Variants in SPTBN4 observed in about 807,000 individuals in gnomAD.
SPTBN4 encodes spectrin beta, non-erythrocytic 4.
A neutral mutation model predicts 277.8 loss-of-function variants in SPTBN4; 96 were observed. The ratio of observed to expected loss-of-function variants is 0.35; its 90% CI spans 0.29 to 0.41. The LOEUF is 0.41. Ranked by LOEUF, SPTBN4 falls within the 10% of genes least tolerant of loss-of-function variation. SPTBN4 has a pLI of 1.00. For missense variants in SPTBN4, 3,006 were observed against 3,595.7 expected, an observed-to-expected ratio of 0.84 and a Z score of 4.19; for synonymous variants, 1,481 against 1,580.3, an observed-to-expected ratio of 0.94 and a Z score of 1.49.
At chr19:40,498,397 A>G (rs974030899) in intron 7 of SPTBN4, among the ~76,000 whole-genome samples, 6 of 148,474 alleles carry the variant, frequency 4.0e-5, no homozygotes, top group Non-Finnish European at 7.4e-5. Context: ...TTATTTATTT[A>G]TTTATTTATT....
rs930784918 is a variant in SPTBN4, at chr19:40,549,103, C to A, written c.4360-86C>A. 3.4e-6 allele frequency: 4 copies of A among 1,163,472 alleles called. No homozygotes were observed. In the African/African-American group the frequency reaches 4.7e-5, roughly 14 times the overall value. 72.1% of individuals were successfully genotyped at this position (1,163,472 alleles called of 1,614,324 possible). ...GGAAGGGTGGGCCGCGGTGAGGGGT[C>A]TGGCTGTCACCATAAGGGTACTGGA... On this transcript the variant is annotated intron_variant, in intron 20 of 35. Coordinates refer to ENST00000598249, the MANE Select transcript of SPTBN4 (RefSeq NM_020971.3).
chr19:40,513,076 G>C lies in SPTBN4; in HGVS notation c.2287G>C (p.Ala763Pro), dbSNP rs1320083032. The C allele has an allele frequency of 7.1e-7, 1 of 1,413,052 alleles. No individual in the cohort carries two copies. The highest frequency in any genetic ancestry group is 3.1e-5 in the East Asian group (1 of 32,426). The allele number at this position is 1,413,052 out of a possible 1,614,324, so 87.5% of individuals were successfully genotyped here. Reference protein sequence around the residue: ...RRWQRLEEAAARRERRLQEAR... With the variant: ...RRWQRLEEAAPRRERRLQEAR... The stretch of plus-strand genomic sequence containing the variant: ...CTGGCAGAGGCTGGAAGAGGCGGCG[G>C]CGCGGCGAGAGCGGCGGCTGCAGGA... Residue 763 changes from alanine (A) to proline (P), a missense_variant, in exon 14 of 36, where the codon GCG becomes CCG. Physicochemically the swap from Ala to Pro is conservative, Grantham distance 27. Coordinates refer to ENST00000598249, the MANE Select transcript of SPTBN4 (RefSeq NM_020971.3).
chr19:40,515,872 GCACACA>G lies in SPTBN4; in HGVS notation c.2903+447_2903+452del, dbSNP rs528135288. On this transcript the variant is annotated intron_variant, in intron 15 of 35. Transcript: ENST00000598249. The surrounding 1 kb of genome is among the most constrained non-coding windows in gnomAD (Gnocchi z 4.1). ...ACCCCGTCTCTCTCTCTACGTGCGC[GCACACA>G]CACACACACACACACACACACAAAA... Among the ~76,000 whole-genome samples the G allele has an allele frequency of 1.3e-4, 18 of 136,110 alleles. No individual in the cohort carries two copies. The highest frequency in any genetic ancestry group is 2.5e-4 in the South Asian group (1 of 4,078). 89.3% of individuals were successfully genotyped at this position (136,110 alleles called of 152,430 possible).
intron 19 of SPTBN4, among the ~76,000 whole-genome samples, chr19:40,533,696 C>T (rs2080703535): frequency 2.0e-5 from 3 of 151,946 alleles, no homozygotes; most frequent in African/African-American, 7.3e-5. Flanking sequence ...TCCCTCTATC[C>T]TTGTCTTTCT....
At chr19:40,499,195 AT>A (rs59982692) in intron 7 of SPTBN4, among the ~76,000 whole-genome samples, 226 of 138,896 alleles carry the variant, frequency 1.6e-3, no homozygotes, top group East Asian at 3.8e-3. Flanking sequence ...AGCCTGGCTA[AT>A]TTTTTTTTTT....
chr19:40,566,095 GA>G, intron 29 of SPTBN4, 67 bp from the exon 30 acceptor site: 1 of 1,427,692 alleles, frequency 7.0e-7, no homozygotes, highest in African/African-American at 1.4e-5. Context: ...AAGGCCAGGG[GA>G]ACAGCCATTG....
chr19:40,540,797 G>C (rs1039544130), intron 20 of SPTBN4, among the ~76,000 whole-genome samples: 2 of 121,728 alleles, frequency 1.6e-5, no homozygotes, highest in African/African-American at 3.2e-5. Flanking sequence ...CTGGTCGACA[G>C]AGTGAGACCC....
chr19:40,550,204 T>A, intron 21 of SPTBN4, 34 bp from the exon 22 acceptor site: 1 of 1,593,400 alleles, frequency 6.3e-7, no homozygotes, highest in Non-Finnish European at 8.6e-7. Context: ...TTGGATGCAT[T>A]CTCCCCTTGA....
intron 4 of SPTBN4, among the ~76,000 whole-genome samples, chr19:40,491,456 C>G (rs1176296918): frequency 6.6e-6 from 1 of 151,888 alleles, no homozygotes; most frequent in Non-Finnish European, 1.5e-5. Context: ...AGATAGATCC[C>G]TTTGGCTGGG....
chr19:40,467,455 C>A (rs45572933), intron 1 of SPTBN4, 150 bp downstream of exon 1: 13,004 of 152,626 alleles, frequency 0.085, 682 homozygotes, highest in Non-Finnish European at 0.12. Flanking sequence ...AGCCCACAAC[C>A]CCCCCACCCG....
intron 20 of SPTBN4, among the ~76,000 whole-genome samples, chr19:40,544,077 C>T (rs1455753912): frequency 6.6e-6 from 1 of 151,238 alleles, no homozygotes; most frequent in Non-Finnish European, 1.5e-5. Context: ...GTGCAATCCA[C>T]TATAAATTTA....
chr19:40,476,626 C>T (rs942857588), intron 2 of SPTBN4, among the ~76,000 whole-genome samples: 2 of 152,096 alleles, frequency 1.3e-5, no homozygotes, highest in African/African-American at 4.8e-5. Flanking sequence ...CTTGCTCTGT[C>T]GCCCAGGCTG....
At position 40,575,286 on chromosome 19, in the gene SPTBN4, A is replaced by G. The variant is rs1385210931; in HGVS notation, c.7537-125A>G. 12 of 1,157,292 alleles carry G rather than the reference A, an allele frequency of 1.0e-5. No homozygotes were observed. The East Asian group carries it at 2.1e-4, about 20-fold the overall frequency. The allele number at this position is 1,157,292 out of a possible 1,614,324, so 71.7% of individuals were successfully genotyped here. On this transcript the variant is annotated intron_variant, in intron 35 of 35. Transcript: ENST00000598249. Reference sequence around the variant, plus strand: ...CATATTGCTATGTAACTGCATCATCATCATCATCCCTTTTTAATAGATGAG... The same window carrying G: ...CATATTGCTATGTAACTGCATCATCGTCATCATCCCTTTTTAATAGATGAG...
Position 40,487,821 on chromosome 19 carries a change from C to A in SPTBN4, c.294C>A (p.Leu98=). The change falls in exon 3 of 36, where the codon CTC becomes CTA. Residue 98 remains leucine, a synonymous_variant. Coordinates refer to ENST00000598249, the MANE Select transcript of SPTBN4 (RefSeq NM_020971.3). Reference sequence around the variant, plus strand: ...GGGACGGCTTCGTGCTCACGCGGCTCCTGGAAGTGCTGTCTGGGGAGCAGC... The same window carrying A: ...GGGACGGCTTCGTGCTCACGCGGCTACTGGAAGTGCTGTCTGGGGAGCAGC... The part of the protein sequence containing the change: ...DLRDGFVLTR[L]LEVLSGEQLP... 6.2e-7 allele frequency: 1 copy of A among 1,609,074 alleles called. No individual in the cohort carries two copies. The highest frequency in any genetic ancestry group is 2.2e-5 in the East Asian group (1 of 44,582).
At chr19:40,524,206 C>T (rs900331395) in intron 17 of SPTBN4, among the ~76,000 whole-genome samples, 1 of 152,020 alleles carries the variant, frequency 6.6e-6, no homozygotes, top group African/African-American at 2.4e-5. Context: ...ATAGCTGGTC[C>T]TGTTGTTAAA....
rs1201227613 is a variant in SPTBN4 at position 40,560,051 on chromosome 19, G to C, written c.5671-108G>C. 6.9e-7 allele frequency: 1 copy of C among 1,441,338 alleles called. No individual in the cohort carries two copies. The highest frequency in any genetic ancestry group is 1.4e-5 in the African/African-American group (1 of 70,428). 89.3% of individuals were successfully genotyped at this position (1,441,338 alleles called of 1,614,324 possible). On this transcript the variant is annotated intron_variant, in intron 26 of 35. Coordinates refer to ENST00000598249, the MANE Select transcript of SPTBN4 (RefSeq NM_020971.3). The surrounding 1 kb of genome is among the most constrained non-coding windows in gnomAD (Gnocchi z 5.2). ...ACAGGAGCCTGGCTGTGGGATCACA[G>C]TGTGAGGCTCCTTATATCTTGAGGT...
Position 40,519,999 on chromosome 19 carries a change from C to G in SPTBN4, c.3502C>G (p.Leu1168Val). ...CGACGGCGCAGAGCTGGGCCCGGGC[C>G]TGGCACTAGACGAGTGGCTGCCACA... ...AADGAELGPG[L>V]ALDEWLPHLE... The change falls in exon 16 of 36, where the codon CTG becomes GTG. Residue 1168 changes from leucine to valine, a missense_variant. Around this residue, in one of 5 missense-constraint regions of SPTBN4, gnomAD observed 1,759 missense variants for 2,061.5 expected, o/e 0.85. Coordinates refer to ENST00000598249, the MANE Select transcript of SPTBN4 (RefSeq NM_020971.3). This position sits in a 1 kb window ranked among gnomAD's most constrained non-coding sequence, Gnocchi z 5.7. 6.4e-7 allele frequency: 1 copy of G among 1,563,698 alleles called. No individual in the cohort carries two copies. The highest frequency in any genetic ancestry group is 8.6e-7 in the Non-Finnish European group (1 of 1,159,532).
intron 16 of SPTBN4, among the ~76,000 whole-genome samples, chr19:40,520,825 T>C (rs2080518220): frequency 6.6e-6 from 1 of 152,138 alleles, no homozygotes; most frequent in African/African-American, 2.4e-5. Context: ...GTTTTCAGAT[T>C]GTCCAGTGTT....
chr19:40,534,608 G>T (rs955342208), intron 20 of SPTBN4: 1 of 468,132 alleles, frequency 2.1e-6, no homozygotes, highest in African/African-American at 1.9e-5. Context: ...GCATGCTAAA[G>T]GTTTCACAGG....
Sources: gnomAD v4.1 joint callset for allele counts (sites outside exome capture counted in the v4.1 genomes callset) on GRCh38, gnomAD v4.1.1 for gene constraint, gnomAD v4.1.1 regional missense constraint, Gnocchi (gnomAD v3.1) non-coding constraint, MANE v1.5 for transcripts, NCBI Gene and HGNC (gene_info 2026-07-23, HGNC 2026-07-21) for gene names.